The following CAMTA1 variants were observed in gnomAD, a reference collection of about 807,000 sequenced individuals.
CAMTA1 encodes calmodulin-binding transcription activator 1.
Under a neutral mutation model 170.9 loss-of-function variants are expected in CAMTA1, and 27 were observed. That is an observed-to-expected ratio of 0.16 (90% CI 0.12 to 0.22). The LOEUF is 0.22. Among genes scored for constraint, CAMTA1 ranks in the 10% least tolerant of loss-of-function variants. The probability of loss-of-function intolerance (pLI) is 1.00; values close to 1 mark genes in which losing one functional copy is unlikely to be tolerated. For synonymous variants in CAMTA1, 833 were observed against 891.5 expected (o/e 0.93, Z 1.17); for missense variants, 1,619 against 2,217.2 (o/e 0.73, Z 5.42).
At chr1:7,297,250 G>A (rs924156256) in intron 5 of CAMTA1, among the ~76,000 whole-genome samples, 2 of 152,166 alleles carry the variant, frequency 1.3e-5, no homozygotes, top group African/African-American at 4.8e-5. Context: ...TCTATAAAAG[G>A]TGTTGAATTT....
At chr1:7,477,288 T>C (rs1434709699) in intron 6 of CAMTA1, among the ~76,000 whole-genome samples, 1 of 152,006 alleles carries the variant, frequency 6.6e-6, no homozygotes, top group Non-Finnish European at 1.5e-5. Flanking sequence ...AAAAGAGAGT[T>C]GAGGATGAAA....
Position 7,327,948 on chromosome 1 carries a change from G to C in CAMTA1, c.438+78322G>C, listed in dbSNP as rs533438607. Among the ~76,000 whole-genome samples, 3 of 151,986 alleles carry C rather than the reference G, an allele frequency of 2.0e-5. No individual in the cohort carries two copies. The South Asian group carries it at 6.3e-4, about 32-fold the overall frequency. On this transcript the variant is annotated intron_variant, in intron 5 of 22. Coordinates refer to ENST00000303635, the MANE Select transcript of CAMTA1 (RefSeq NM_015215.4). ...CAGTTTCAGGTTGACAGTTCTGTTT[G>C]TTTGTTTTTTTTTCCCTCCCAGCAC... is the stretch of plus-strand genomic sequence containing the variant.
chr1:7,177,082 C>T (rs956701054), intron 4 of CAMTA1, among the ~76,000 whole-genome samples: 32 of 152,042 alleles, frequency 2.1e-4, no homozygotes, highest in African/African-American at 7.5e-4. Context: ...GGCTCCTTCC[C>T]ACAGAGGCCC....
intron 3 of CAMTA1, among the ~76,000 whole-genome samples, chr1:6,908,977 C>T (rs548673889): frequency 2.6e-5 from 4 of 152,214 alleles, no homozygotes; most frequent in Non-Finnish European, 4.4e-5. Flanking sequence ...TAAAAAGCAT[C>T]GAATCAAAGA....
intron 5 of CAMTA1, among the ~76,000 whole-genome samples, chr1:7,267,108 A>G (rs181028995): frequency 4.6e-5 from 7 of 152,278 alleles, no homozygotes; most frequent in Admixed American, 4.6e-4. Flanking sequence ...TGGAGTGGAA[A>G]GGCTAAGAGA....
chr1:6,809,503 C>A (rs919515439), intron 1 of CAMTA1, among the ~76,000 whole-genome samples: 3 of 151,954 alleles, frequency 2.0e-5, no homozygotes, highest in African/African-American at 7.3e-5. Context: ...GAGGTCAGCC[C>A]CCTGGGCTTG....
intron 5 of CAMTA1, among the ~76,000 whole-genome samples, chr1:7,254,851 G>A (rs952928581): frequency 1.3e-5 from 2 of 152,208 alleles, no homozygotes; most frequent in African/African-American, 4.8e-5. Context: ...AGCCAGCCAT[G>A]AACATGTATG....
chr1:6,842,855 T>C (rs1237735114), intron 3 of CAMTA1, among the ~76,000 whole-genome samples: 1 of 149,230 alleles, frequency 6.7e-6, no homozygotes, highest in Admixed American at 6.7e-5. Context: ...ACCCGGGAGG[T>C]GGAGGTTGCA....
chr1:7,094,243 G>A (rs1185113098), intron 4 of CAMTA1, among the ~76,000 whole-genome samples: 4 of 152,098 alleles, frequency 2.6e-5, no homozygotes, highest in African/African-American at 9.7e-5. Flanking sequence ...TAGTTGTTGA[G>A]TTGTGTTTGG....
intron 3 of CAMTA1, among the ~76,000 whole-genome samples, chr1:6,878,169 A>G (rs746002284): frequency 6.6e-6 from 1 of 152,278 alleles, no homozygotes; most frequent in Admixed American, 6.5e-5. Flanking sequence ...GAGAGTAGCA[A>G]CATTCATGGT....
chr1:7,517,200 G>A (rs1003062590), intron 6 of CAMTA1, among the ~76,000 whole-genome samples: 2 of 152,158 alleles, frequency 1.3e-5, no homozygotes, highest in Non-Finnish European at 2.9e-5. Context: ...GTCCGTGAGC[G>A]TGGGATGTTT....
At chr1:7,354,496 A>T (rs964061473) in intron 5 of CAMTA1, among the ~76,000 whole-genome samples, 18 of 152,176 alleles carry the variant, frequency 1.2e-4, no homozygotes, top group African/African-American at 4.3e-4. Flanking sequence ...ACCTAGGTTG[A>T]TTCTGTACCT....
chr1:7,555,086 C>T (rs2150210468), intron 6 of CAMTA1, among the ~76,000 whole-genome samples: 1 of 152,152 alleles, frequency 6.6e-6, no homozygotes, highest in South Asian at 2.1e-4. Context: ...GCTTGCCCTC[C>T]AGGAGAGGGG....
chr1:6,923,839 G>A (rs1682534068), intron 3 of CAMTA1, among the ~76,000 whole-genome samples: 1 of 152,220 alleles, frequency 6.6e-6, no homozygotes, highest in African/African-American at 2.4e-5. Context: ...AGAAGGTGAT[G>A]TCCTCTCTCT....
chr1:7,503,420 T>C (rs1408057638), intron 6 of CAMTA1, among the ~76,000 whole-genome samples: 1 of 152,122 alleles, frequency 6.6e-6, no homozygotes, highest in African/African-American at 2.4e-5. Flanking sequence ...CCTGGGGTAA[T>C]ACAGCCAGCC....
At chr1:7,105,745 C>G (rs779974092) in intron 4 of CAMTA1, among the ~76,000 whole-genome samples, 3 of 152,072 alleles carry the variant, frequency 2.0e-5, no homozygotes, top group Non-Finnish European at 2.9e-5. Flanking sequence ...GAGTTTGAGA[C>G]CAGCCTGGGT....
rs954728822 is a variant in CAMTA1 at position 7,580,034 on chromosome 1, A to G, written c.511-60366A>G. On this transcript the variant is annotated intron_variant, in intron 6 of 22. Coordinates refer to ENST00000303635, the MANE Select transcript of CAMTA1 (RefSeq NM_015215.4). The surrounding 1 kb of genome is among the most constrained non-coding windows in gnomAD (Gnocchi z 4.3). Reference sequence around the variant, plus strand: ...GCTGAATCCACCCTCTCTCCGGTCAACTCACAACTCACACATGCATTCTGG... The same window carrying G: ...GCTGAATCCACCCTCTCTCCGGTCAGCTCACAACTCACACATGCATTCTGG... Among the ~76,000 whole-genome samples the G allele has an allele frequency of 6.6e-6, 1 of 152,238 alleles. No individual in the cohort carries two copies. Among genetic ancestry groups the G allele is most frequent in the Non-Finnish European group, 1.5e-5 (1 of 68,038 alleles).
intron 5 of CAMTA1, among the ~76,000 whole-genome samples, chr1:7,282,154 C>A (rs1449246018): frequency 6.6e-6 from 1 of 152,158 alleles, no homozygotes; most frequent in African/African-American, 2.4e-5. Context: ...GACTCATAGA[C>A]TATATTAAAA....
At chr1:7,661,584 A>G in intron 7 of CAMTA1, 142 bp from the exon 8 acceptor site, 1 of 891,000 alleles carries the variant, frequency 1.1e-6, no homozygotes, top group South Asian at 1.6e-5. Context: ...CTCCTCCCCT[A>G]CTCATCAATT....
Sources: allele counts gnomAD v4.1 joint callset (sites outside exome capture counted in the v4.1 genomes callset), GRCh38; gene constraint gnomAD v4.1.1; non-coding constraint Gnocchi (gnomAD v3.1); transcripts MANE v1.5; gene names NCBI Gene and HGNC (gene_info 2026-07-23, HGNC 2026-07-21).